Variants in ATXN7 observed in about 807,000 individuals in gnomAD.
ATXN7 encodes the protein ataxin 7.
A neutral mutation model predicts 70.5 loss-of-function variants in ATXN7; 12 were observed. That is an observed-to-expected ratio of 0.17 (90% confidence interval 0.11 to 0.28). The LOEUF (loss-of-function observed/expected upper bound fraction) is 0.28. Among genes scored for constraint, ATXN7 ranks in the 10% least tolerant of loss-of-function variants. The pLI is 1.00. For synonymous variants in ATXN7, 498 were observed against 448.7 expected (o/e 1.11, Z -1.39); for missense variants, 1,256 against 1,131.7 (o/e 1.11, Z -1.58).
At chr3:63,894,324 A>G (rs1011383864) in intron 1 of ATXN7, among the ~76,000 whole-genome samples, 3 of 152,190 alleles carry the variant, frequency 2.0e-5, no homozygotes, top group Non-Finnish European at 4.4e-5. Context: ...TTAAATATTA[A>G]CAACAAAGTC....
chr3:63,958,571 T>C lies in ATXN7; in HGVS notation c.499+6088T>C, dbSNP rs181004714. On this transcript the variant is annotated intron_variant, in intron 5 of 12. Coordinates refer to ENST00000674280, the MANE Select transcript of ATXN7 (RefSeq NM_001377405.1). ...AACACTTCCCTCCCCTTTTGCTCTC[T>C]GATTAACTTAGACCTGGAAAGTAAC... Among the ~76,000 whole-genome samples the C allele has an allele frequency of 6.9e-3, 1,051 of 152,320 alleles. 8 individuals carry two copies. Among genetic ancestry groups the C allele is most frequent in the Non-Finnish European group, 0.011 (731 of 68,026 alleles).
At chr3:63,924,104 A>G (rs1704610924) in intron 4 of ATXN7, among the ~76,000 whole-genome samples, 1 of 152,152 alleles carries the variant, frequency 6.6e-6, no homozygotes, top group Non-Finnish European at 1.5e-5. Flanking sequence ...TATCCTGTTC[A>G]GGATACGTTT....
chr3:63,982,145 A>C, intron 6 of ATXN7, 41 bp from the exon 7 acceptor site: 1 of 1,612,358 alleles, frequency 6.2e-7, no homozygotes, highest in South Asian at 1.1e-5. Context: ...GGGGCTGCTG[A>C]GGCACTCAGG....
intron 5 of ATXN7, among the ~76,000 whole-genome samples, chr3:63,972,509 TG>T (rs923111490): frequency 6.6e-6 from 1 of 152,166 alleles, no homozygotes; most frequent in Admixed American, 6.5e-5. Context: ...GAAAAATATG[TG>T]GGTTTTACTT....
chr3:63,976,542 T>C (rs1289331268), intron 5 of ATXN7, among the ~76,000 whole-genome samples: 4 of 152,238 alleles, frequency 2.6e-5, no homozygotes, highest in Non-Finnish European at 5.9e-5. Flanking sequence ...ATATTATCGA[T>C]ACATCAGCAG....
intron 2 of ATXN7, among the ~76,000 whole-genome samples, chr3:63,903,084 C>G (rs959827911): frequency 1.3e-5 from 2 of 151,776 alleles, no homozygotes; most frequent in African/African-American, 2.4e-5. Flanking sequence ...ATCATCATCA[C>G]CACTTTTTCA....
At chr3:63,916,246 A>C (rs1351340983) in intron 4 of ATXN7, among the ~76,000 whole-genome samples, 1 of 152,180 alleles carries the variant, frequency 6.6e-6, no homozygotes, top group Non-Finnish European at 1.5e-5. Context: ...TAACTCTTTC[A>C]ACTGTTGATA....
chr3:63,887,866 C>T (rs976716551), intron 1 of ATXN7, among the ~76,000 whole-genome samples: 2 of 151,642 alleles, frequency 1.3e-5, no homozygotes, highest in Non-Finnish European at 1.5e-5. Context: ...TATCGCTGTC[C>T]TCAGCCTCTG....
At chr3:63,977,006 G>T (rs929016640) in intron 5 of ATXN7, among the ~76,000 whole-genome samples, 1 of 152,194 alleles carries the variant, frequency 6.6e-6, no homozygotes, top group African/African-American at 2.4e-5. Context: ...TGAAGTCATG[G>T]AAGGAGGTTA....
At chr3:63,932,648 C>T (rs952516461) in intron 4 of ATXN7, among the ~76,000 whole-genome samples, 2 of 152,294 alleles carry the variant, frequency 1.3e-5, no homozygotes, top group South Asian at 2.1e-4. Flanking sequence ...TTGGCTTTTT[C>T]ACAGGTTATG....
At chr3:63,974,967 T>TAG (rs1317034788) in intron 5 of ATXN7, among the ~76,000 whole-genome samples, 1 of 152,130 alleles carries the variant, frequency 6.6e-6, no homozygotes, top group Non-Finnish European at 1.5e-5. Flanking sequence ...TGAACTGAGG[T>TAG]AGATGGTAGA....
At chr3:63,893,463 T>C (rs1215598499) in intron 1 of ATXN7, among the ~76,000 whole-genome samples, 3 of 152,196 alleles carry the variant, frequency 2.0e-5, no homozygotes, top group Non-Finnish European at 4.4e-5. Flanking sequence ...CTGTGTGTCC[T>C]GAAATGGCAA....
chr3:63,873,744 C>T (rs570409710), intron 1 of ATXN7: 13 of 152,346 alleles, frequency 8.5e-5, no homozygotes, highest in African/African-American at 3.1e-4. Context: ...CCTTCTGTCA[C>T]CTAGGCTGGA....
In ATXN7 at chr3:63,909,036, T is replaced by C. The variant is rs549327350; in HGVS notation, c.-11-3552T>C. On this transcript the variant is annotated intron_variant, in intron 2 of 12. Transcript: ENST00000674280. ...ACTTTTCTCACATACTCAGTGAAAT[T>C]ACTATCTTGTGTTCACCCTGGTGCC... Among the ~76,000 whole-genome samples the C allele has an allele frequency of 1.8e-4, 27 of 152,348 alleles. No homozygotes were observed. In the South Asian group the frequency reaches 5.2e-3, roughly 29 times the overall value.
At chr3:63,964,793 G>A (rs1575959978) in intron 5 of ATXN7, among the ~76,000 whole-genome samples, 2 of 152,188 alleles carry the variant, frequency 1.3e-5, no homozygotes, top group Admixed American at 6.5e-5. Context: ...GCCCACAGCC[G>A]AATGAATTGC....
chr3:63,974,259 A>G (rs1031724980), intron 5 of ATXN7, among the ~76,000 whole-genome samples: 1 of 152,222 alleles, frequency 6.6e-6, no homozygotes, highest in Non-Finnish European at 1.5e-5. Flanking sequence ...GATTTCCCTT[A>G]AACATATTCT....
In ATXN7 at chr3:63,883,859, T is replaced by A. The variant is rs577695874; in HGVS notation, c.-110-14540T>A. On this transcript the variant is annotated intron_variant, in intron 1 of 12. Coordinates refer to ENST00000674280, the MANE Select transcript of ATXN7 (RefSeq NM_001377405.1). The stretch of plus-strand genomic sequence containing the variant: ...TTTCCCCCAACAACAGAAAAAAAAA[T>A]ATTTTTTTCTCCTGGGGGAGGTTGA... 3.6e-4 allele frequency among the ~76,000 whole-genome samples: 55 copies of A among 152,050 alleles called. 1 individual carries two copies. In the East Asian group the frequency reaches 0.01, roughly 28 times the overall value.
At chr3:63,915,954 T>A (rs2107306301) in intron 4 of ATXN7, among the ~76,000 whole-genome samples, 1 of 152,246 alleles carries the variant, frequency 6.6e-6, no homozygotes, top group South Asian at 2.1e-4. Flanking sequence ...CACGAAGTGC[T>A]GGGATTACAG....
At chr3:63,973,513 C>T (rs2075346831) in intron 5 of ATXN7, among the ~76,000 whole-genome samples, 1 of 152,154 alleles carries the variant, frequency 6.6e-6, no homozygotes, top group Admixed American at 6.5e-5. Flanking sequence ...ACTCTTCAAA[C>T]TGATGCAGGA....
Sources: allele counts gnomAD v4.1 joint callset (sites outside exome capture counted in the v4.1 genomes callset), GRCh38; gene constraint gnomAD v4.1.1; transcripts MANE v1.5; gene names NCBI Gene and HGNC (gene_info 2026-07-23, HGNC 2026-07-21).